ATP11B: variants seen among roughly 807,000 people sequenced by gnomAD.
ATP11B encodes the protein ATPase phospholipid transporting 11B (putative), also known as phospholipid-transporting ATPase IF.
A neutral mutation model predicts 157.8 loss-of-function variants in ATP11B; 81 were observed. The observed-to-expected ratio is 0.51, with a 90% CI of 0.43 to 0.62. ATP11B has a LOEUF of 0.62. Ranked by LOEUF, ATP11B falls within the 20% of genes least tolerant of loss-of-function variation. The pLI is 0.00. For missense variants in ATP11B, 1,165 were observed against 1,402.2 expected (o/e 0.83, Z 2.70); for synonymous variants, 451 against 469.4 (o/e 0.96, Z 0.51).
At chr3:182,836,521 G>A in intron 6 of ATP11B, 51 bp downstream of exon 6, 1 of 1,608,790 alleles carries the variant, frequency 6.2e-7, no homozygotes, top group Non-Finnish European at 8.5e-7. Flanking sequence ...AGTGTCTTTG[G>A]ATTATAATTA....
chr3:182,910,839 A>C (rs1335183204), intron 28 of ATP11B, among the ~76,000 whole-genome samples: 1 of 152,210 alleles, frequency 6.6e-6, no homozygotes, highest in African/African-American at 2.4e-5. Context: ...GTGAAGGACC[A>C]GTTTGTTATT....
At chr3:182,882,538 A>G (rs1264801490) in intron 21 of ATP11B, among the ~76,000 whole-genome samples, 5 of 152,080 alleles carry the variant, frequency 3.3e-5, no homozygotes, top group African/African-American at 9.6e-5. Context: ...GTCTCTTTCT[A>G]TTATTTGTAA....
intron 4 of ATP11B, among the ~76,000 whole-genome samples, chr3:182,834,139 T>G (rs1718363337): frequency 6.6e-6 from 1 of 152,204 alleles, no homozygotes; most frequent in Non-Finnish European, 1.5e-5. Flanking sequence ...GTCATCTGAC[T>G]GTAAAGAAAA....
chr3:182,914,353 A>T lies in ATP11B; in HGVS notation c.3452+359A>T, dbSNP rs1012623500. 1.2e-4 allele frequency: 120 copies of T among 978,448 alleles called. No individual in the cohort carries two copies. The African/African-American group carries it at 1.5e-3, about 12-fold the overall frequency. 60.6% of individuals were successfully genotyped at this position (978,448 alleles called of 1,614,324 possible). A position where few individuals can be genotyped will look rare whatever the true frequency, so the allele number is the denominator to read the frequency against. On this transcript the variant is annotated intron_variant, in intron 29 of 29. Transcript: ENST00000323116. ...TATACTATTTCCTTTTTATTTTTTTAAAATTTTTTTGCTTTTTGTCTTTAC... is the reference window on the plus strand; with the variant it reads ...TATACTATTTCCTTTTTATTTTTTTTAAATTTTTTTGCTTTTTGTCTTTAC...
chr3:182,914,450 G>C, intron 29 of ATP11B: 1 of 985,082 alleles, frequency 1.0e-6, no homozygotes, highest in Non-Finnish European at 1.2e-6. Context: ...TTTCCAGTTG[G>C]TTATTTGAGG....
At chr3:182,845,556 T>C (rs1023779610) in intron 9 of ATP11B, 34 bp downstream of exon 9, 1 of 1,415,704 alleles carries the variant, frequency 7.1e-7, no homozygotes, top group East Asian at 2.4e-5. Context: ...AAATTATTGA[T>C]TTGTGTTGAT....
chr3:182,892,030 A>G (rs1200836376), intron 25 of ATP11B, among the ~76,000 whole-genome samples: 2 of 152,184 alleles, frequency 1.3e-5, no homozygotes, highest in African/African-American at 2.4e-5. Context: ...CTATTAAGTC[A>G]TTATATTGGA....
Position 182,842,094 on chromosome 3 carries a change from A to T in ATP11B, c.676A>T (p.Ile226Leu). The T allele has an allele frequency of 6.2e-7, 1 of 1,605,520 alleles. No homozygotes were observed. The change falls in exon 8 of 30, where the codon ATA becomes TTA. Residue 226 changes from isoleucine (I) to leucine (L), a missense_variant. Around this residue, in one of 4 missense-constraint regions of ATP11B, gnomAD observed 737 missense variants for 930.5 expected, o/e 0.79. Coordinates refer to ENST00000323116, the MANE Select transcript of ATP11B (RefSeq NM_014616.3). ...DLYRFMGRMI[I>L]TQQMEEIVRP... ...TGATAGATTCATGGGACGAATGATC[A>T]TAACCCAACAAATGGAAGAAATTGT...
rs563033453 is a variant in ATP11B at position 182,920,814 on chromosome 3, G to A, written c.*2710G>A. ...AAGACCTGCTGTCGAGTTGAGAAAAGGGGAGAATTTATGGTCTGAATTTTC... is the reference window on the plus strand; with the variant it reads ...AAGACCTGCTGTCGAGTTGAGAAAAAGGGAGAATTTATGGTCTGAATTTTC... On this transcript the variant is annotated 3_prime_UTR_variant, in exon 30 of 30. Transcript: ENST00000323116. The A allele has an allele frequency of 2.6e-5, 4 of 152,404 alleles. No homozygotes were observed. The highest frequency in any genetic ancestry group is 9.6e-5 in the African/African-American group (4 of 41,578). The allele number at this position is 152,404 out of a possible 1,614,324, so 9.4% of individuals were successfully genotyped here.
intron 6 of ATP11B, among the ~76,000 whole-genome samples, chr3:182,836,840 A>G (rs1210045760): frequency 6.6e-6 from 1 of 152,176 alleles, no homozygotes; most frequent in Non-Finnish European, 1.5e-5. Flanking sequence ...AATAGTGACT[A>G]TGCACACAGA....
chr3:182,830,805 T>G (rs1718076083), intron 4 of ATP11B, among the ~76,000 whole-genome samples: 1 of 152,248 alleles, frequency 6.6e-6, no homozygotes. Context: ...GCCACAGCTC[T>G]AAGTTCGATT....
intron 2 of ATP11B, among the ~76,000 whole-genome samples, chr3:182,825,500 C>T (rs1311085189): frequency 2.0e-5 from 3 of 152,056 alleles, no homozygotes. Flanking sequence ...GGGCGGATCA[C>T]TTGAGGCCAG....
intron 12 of ATP11B, among the ~76,000 whole-genome samples, chr3:182,859,763 C>T (rs1325891550): frequency 6.6e-6 from 1 of 151,988 alleles, no homozygotes; most frequent in African/African-American, 2.4e-5. Flanking sequence ...ATAGATGTGT[C>T]CTGTAATACC....
Position 182,919,813 on chromosome 3 carries a change from G to A in ATP11B, c.*1709G>A, listed in dbSNP as rs1725355525. On this transcript the variant is annotated 3_prime_UTR_variant, in exon 30 of 30. Transcript: ENST00000323116. ...TGATGTAAGGATATTAAGTTATTAA[G>A]CTAAATATTAATTTTCAAAAATAGT... is the stretch of plus-strand genomic sequence containing the variant. 6.6e-6 allele frequency: 1 copy of A among 152,136 alleles called. No individual in the cohort carries two copies. The allele number at this position is 152,136 out of a possible 1,614,324, so 9.4% of individuals were successfully genotyped here. A position where few individuals can be genotyped will look rare whatever the true frequency, so the allele number is the denominator to read the frequency against.
chr3:182,918,056 CGA>C lies in ATP11B; in HGVS notation c.3487_3488del (p.Asp1163GlnfsTer19). 6.2e-7 allele frequency: 1 copy of C among 1,613,286 alleles called. No homozygotes were observed. The highest frequency in any genetic ancestry group is 1.1e-5 in the South Asian group (1 of 90,994). On this transcript the variant is annotated frameshift_variant, in exon 30 of 30. Coordinates refer to ENST00000323116, the MANE Select transcript of ATP11B (RefSeq NM_014616.3). LOFTEE classifies it high-confidence loss of function. ...WSASDPFYTN[D>X]RSILTLSTMD... The stretch of plus-strand genomic sequence containing the variant: ...GTGCATCGGATCCTTTCTATACCAA[CGA>C]CAGGAGCATCTTGACTCTCTCCACA...
chr3:182,855,893 C>T (rs1720359638), intron 10 of ATP11B, among the ~76,000 whole-genome samples: 1 of 151,522 alleles, frequency 6.6e-6, no homozygotes, highest in African/African-American at 2.4e-5. Context: ...TACCAAATGG[C>T]TAGGAGGTGG....
chr3:182,862,907 CATTT>C (rs571815284), intron 12 of ATP11B, among the ~76,000 whole-genome samples: 5 of 151,130 alleles, frequency 3.3e-5, no homozygotes, highest in Admixed American at 6.6e-5. Context: ...CAAGTTGATC[CATTT>C]ATTTATTTAT....
At chr3:182,887,413 A>T (rs1305275222) in intron 23 of ATP11B, among the ~76,000 whole-genome samples, 173 bp from the exon 24 acceptor site, 1 of 152,226 alleles carries the variant, frequency 6.6e-6, no homozygotes, top group Non-Finnish European at 1.5e-5. Context: ...GGAACATTAT[A>T]TGTTTATGTC....
At chr3:182,915,690 A>C (rs1422622741) in intron 29 of ATP11B, 2 of 981,738 alleles carry the variant, frequency 2.0e-6, no homozygotes, top group African/African-American at 3.5e-5. Flanking sequence ...CATTTTCTTG[A>C]TATCGATTAT....
Sources: gnomAD v4.1 joint callset for allele counts (sites outside exome capture counted in the v4.1 genomes callset) on GRCh38, gnomAD v4.1.1 for gene constraint, gnomAD v4.1.1 regional missense constraint, MANE v1.5 for transcripts, NCBI Gene and HGNC (gene_info 2026-07-23, HGNC 2026-07-21) for gene names.